AMBN: variants seen among roughly 807,000 people sequenced by gnomAD.
AMBN encodes enamel matrix protein.
In AMBN, 54 loss-of-function variants were observed where a neutral mutation model predicts 48.0. That is an observed-to-expected ratio of 1.12 (90% confidence interval 0.90 to 1.41). The LOEUF (loss-of-function observed/expected upper bound fraction) is 1.41. Ranked by LOEUF, AMBN falls within the 40% of genes most tolerant of loss-of-function variation. The pLI is 0.00. For synonymous variants in AMBN, 186 were observed against 190.0 expected (o/e 0.98, Z 0.17); for missense variants, 571 against 547.3 (o/e 1.04, Z -0.43).
intron 2 of AMBN, among the ~76,000 whole-genome samples, chr4:70,595,616 C>T (rs1193142057): frequency 6.6e-6 from 1 of 152,054 alleles, no homozygotes; most frequent in African/African-American, 2.4e-5. Flanking sequence ...ACTTCTTACT[C>T]ATAAAGGAAA....
intron 4 of AMBN, among the ~76,000 whole-genome samples, chr4:70,599,121 T>C (rs1242270958): frequency 2.0e-5 from 3 of 151,828 alleles, no homozygotes; most frequent in Non-Finnish European, 4.4e-5. Flanking sequence ...GCTTTTGCTA[T>C]ATTTATGCTA....
chr4:70,593,522 A>G (rs554233924), intron 2 of AMBN, 127 bp downstream of exon 2: 13 of 781,886 alleles, frequency 1.7e-5, no homozygotes, highest in African/African-American at 1.4e-4. Context: ...GTTTAGTCCT[A>G]TTGAGTCAAA....
intron 5 of AMBN, among the ~76,000 whole-genome samples, chr4:70,600,045 G>A (rs1294612926): frequency 3.3e-5 from 5 of 152,128 alleles, no homozygotes; most frequent in Admixed American, 6.5e-5. Flanking sequence ...GATGGCTGAC[G>A]CCTGTAATCC....
At chr4:70,601,829 C>T in intron 6 of AMBN, 175 bp downstream of exon 6, 1 of 725,432 alleles carries the variant, frequency 1.4e-6, no homozygotes. Context: ...CGTAAATATC[C>T]ATTCCTATCT....
chr4:70,606,999 A>C lies in AMBN; in HGVS notation c.*269A>C, dbSNP rs1737677098. The C allele has an allele frequency of 2.6e-6, 1 of 377,776 alleles. No homozygotes were observed. Among genetic ancestry groups the C allele is most frequent in the Admixed American group, 4.1e-5 (1 of 24,136 alleles). 23.4% of individuals were successfully genotyped at this position (377,776 alleles called of 1,614,324 possible). On this transcript the variant is annotated 3_prime_UTR_variant, in exon 13 of 13. Coordinates refer to ENST00000322937, the MANE Select transcript of AMBN (RefSeq NM_016519.6). Reference sequence around the variant, plus strand: ...AAGGTTCTAAGGGTCTCAGCATTTGATCATCACTTTTTCTTAGCTGTCTTA... The same window carrying C: ...AAGGTTCTAAGGGTCTCAGCATTTGCTCATCACTTTTTCTTAGCTGTCTTA...
In AMBN at chr4:70,597,036, G is replaced by C. The variant is rs546778141; in HGVS notation, c.122G>C (p.Ser41Thr). 9 of 1,613,094 alleles carry C rather than the reference G, an allele frequency of 5.6e-6. No individual in the cohort carries two copies. Among genetic ancestry groups the C allele is most frequent in the Non-Finnish European group, 7.6e-6 (9 of 1,179,502 alleles). The change falls in exon 3 of 13, where the codon AGT becomes ACT. Residue 41 changes from serine to threonine, a missense_variant. Ser to Thr is a moderately conservative substitution (Grantham distance 58, BLOSUM62 1). Transcript: ENST00000322937. Reference protein sequence around the residue: ...PQQSGTPGMASLSLETMRQLG... With the variant: ...PQQSGTPGMATLSLETMRQLG... ...CAATCTGGAACACCGGGTATGGCTA[G>C]TTTGAGCCTTGAGGTATGTATTGTC... is the stretch of plus-strand genomic sequence containing the variant.
intron 2 of AMBN, among the ~76,000 whole-genome samples, chr4:70,593,920 T>C (rs1428438166): frequency 6.6e-6 from 1 of 151,564 alleles, no homozygotes; most frequent in East Asian, 1.9e-4. Context: ...AAAAGTTATT[T>C]AAAATAGTCC....
chr4:70,606,994 A>G lies in AMBN; in HGVS notation c.*264A>G. ...AGAGCAAGGTTCTAAGGGTCTCAGC[A>G]TTTGATCATCACTTTTTCTTAGCTG... On this transcript the variant is annotated 3_prime_UTR_variant, in exon 13 of 13. Coordinates refer to ENST00000322937, the MANE Select transcript of AMBN (RefSeq NM_016519.6). The G allele has an allele frequency of 2.6e-6, 1 of 391,322 alleles. No homozygotes were observed. The highest frequency in any genetic ancestry group is 4.6e-6 in the Non-Finnish European group (1 of 219,254). 24.2% of individuals were successfully genotyped at this position (391,322 alleles called of 1,614,324 possible).
rs557139317 is a variant in AMBN, at chr4:70,603,866, T to C, written c.754-11T>C. On this transcript the variant is annotated splice_polypyrimidine_tract_variant and intron_variant, in intron 11 of 12. Coordinates refer to ENST00000322937, the MANE Select transcript of AMBN (RefSeq NM_016519.6). ...GGTTCGTAATTTGACGCAATATTTC[T>C]TTTTGAACAGAATGCCCCTGCCAGA... is the stretch of plus-strand genomic sequence containing the variant. The C allele has an allele frequency of 8.1e-6, 13 of 1,613,974 alleles. No homozygotes were observed. Among genetic ancestry groups the C allele is most frequent in the Middle Eastern group, 1.7e-4 (1 of 6,058 alleles).
At chr4:70,597,186 A>G (rs1737404669) in intron 3 of AMBN, 137 bp downstream of exon 3, 2 of 650,602 alleles carry the variant, frequency 3.1e-6, no homozygotes, top group African/African-American at 1.8e-5. Flanking sequence ...TAGAAAAGTT[A>G]TGACATTTAC....
Position 70,606,499 on chromosome 4 carries a change from GATGAA to G in AMBN, c.1114_1118del (p.Met372GlyfsTer11). ...GCCTGCCAAGGAGCCCTTCAGGGAAGATGAAGGGACTCCCCAGCGTCACCCCAGCA... is the reference window on the plus strand; with the variant it reads ...GCCTGCCAAGGAGCCCTTCAGGGAAGGGGACTCCCCAGCGTCACCCCAGCA... On this transcript the variant is annotated frameshift_variant, in exon 13 of 13. Transcript: ENST00000322937. LOFTEE classifies it low-confidence loss of function (END_TRUNC). The G allele has an allele frequency of 6.2e-7, 1 of 1,614,030 alleles. No homozygotes were observed.
At chr4:70,599,007 T>C (rs1408839384) in intron 4 of AMBN, among the ~76,000 whole-genome samples, 2 of 150,018 alleles carry the variant, frequency 1.3e-5, no homozygotes, top group Non-Finnish European at 3.0e-5. Context: ...ATGCCTGACC[T>C]CAGGTGATCC....
intron 12 of AMBN, among the ~76,000 whole-genome samples, chr4:70,605,933 T>A (rs2109805594): frequency 6.6e-6 from 1 of 152,332 alleles, no homozygotes; most frequent in South Asian, 2.1e-4. Context: ...TTGCCTCAAG[T>A]CTTGCTTCTG....
intron 3 of AMBN, among the ~76,000 whole-genome samples, chr4:70,597,568 C>T (rs1737414789): frequency 6.6e-6 from 1 of 151,824 alleles, no homozygotes; most frequent in African/African-American, 2.4e-5. Flanking sequence ...TAGAAAACTC[C>T]AGCAAAACAG....
chr4:70,598,315 GC>G, intron 3 of AMBN, 40 bp from the exon 4 acceptor site: 1 of 1,458,320 alleles, frequency 6.9e-7, no homozygotes, highest in East Asian at 2.5e-5. Flanking sequence ...GTCAAACACA[GC>G]ATATGCGATA....
rs746883901 is a variant in AMBN at position 70,601,856 on chromosome 4, G to A, written c.531+202G>A. The A allele has an allele frequency of 1.3e-5, 9 of 688,744 alleles. No individual in the cohort carries two copies. In the African/African-American group the frequency reaches 1.6e-4, roughly 12 times the overall value. 42.7% of individuals were successfully genotyped at this position (688,744 alleles called of 1,614,324 possible). ...TTCCTATCTTTTGCCATCAGAGACA[G>A]GGCATGGATTCTAAAAGATACTGTG... On this transcript the variant is annotated intron_variant, in intron 6 of 12. Transcript: ENST00000322937.
chr4:70,601,011 G>A (rs902049879), intron 5 of AMBN, among the ~76,000 whole-genome samples: 1 of 152,080 alleles, frequency 6.6e-6, no homozygotes, highest in African/African-American at 2.4e-5. Context: ...TTATGTACAC[G>A]GGCTATAAAG....
chr4:70,603,607 T>C (rs1737577253), intron 11 of AMBN, 147 bp downstream of exon 11: 2 of 863,078 alleles, frequency 2.3e-6, no homozygotes, highest in Admixed American at 2.7e-5. Flanking sequence ...GGAGGCAAAC[T>C]TCCTATTTGG....
intron 1 of AMBN, among the ~76,000 whole-genome samples, chr4:70,592,596 T>C (rs961297783): frequency 1.3e-5 from 2 of 152,056 alleles, no homozygotes; most frequent in African/African-American, 4.8e-5. Flanking sequence ...TTAATGTTTT[T>C]GATTATAGTG....
Sources: gnomAD v4.1 joint callset for allele counts (sites outside exome capture counted in the v4.1 genomes callset) on GRCh38, gnomAD v4.1.1 for gene constraint, MANE v1.5 for transcripts, NCBI Gene and HGNC (gene_info 2026-07-23, HGNC 2026-07-21) for gene names.